The following AOAH variants were observed in gnomAD, a reference collection of about 807,000 sequenced individuals.
The protein encoded by AOAH is acyloxyacyl hydrolase.
A neutral mutation model predicts 92.2 loss-of-function variants in AOAH; 64 were observed. That is an observed-to-expected ratio of 0.69 (90% CI 0.57 to 0.86). The LOEUF (loss-of-function observed/expected upper bound fraction) is 0.86. Among genes scored for constraint, AOAH ranks in the 40% least tolerant of loss-of-function variants. The pLI is 0.00. For synonymous variants in AOAH, 263 were observed against 254.5 expected, an observed-to-expected ratio of 1.03 and a Z score of -0.32; for missense variants, 656 against 694.6, an observed-to-expected ratio of 0.94 and a Z score of 0.62.
intron 1 of AOAH, among the ~76,000 whole-genome samples, chr7:36,719,112 A>C (rs1183049738): frequency 3.9e-5 from 6 of 152,204 alleles, no homozygotes; most frequent in Non-Finnish European, 8.8e-5. Flanking sequence ...TTCGCCTACC[A>C]AACAAGGATA....
At chr7:36,693,548 C>G (rs573961515) in intron 1 of AOAH, among the ~76,000 whole-genome samples, 2 of 151,894 alleles carry the variant, frequency 1.3e-5, no homozygotes, top group Admixed American at 6.6e-5. Flanking sequence ...TTTGATCACA[C>G]TATTGATCAA....
chr7:36,635,280 T>C (rs968492984), intron 5 of AOAH, among the ~76,000 whole-genome samples: 4 of 152,136 alleles, frequency 2.6e-5, no homozygotes, highest in African/African-American at 9.7e-5. Flanking sequence ...ATGCAGCATC[T>C]TTGCTTTGCA....
Position 36,724,083 on chromosome 7 carries a change from C to G in AOAH, c.66G>C (p.Ser22=). 6.2e-7 allele frequency: 1 copy of G among 1,613,494 alleles called. No individual in the cohort carries two copies. Among genetic ancestry groups the G allele is most frequent in the Non-Finnish European group, 8.5e-7 (1 of 1,179,714 alleles). The part of the protein sequence containing the change: ...PLFLLLSLQS[S]ASPANDDQSR... ...ACTGGTCATCGTTGGCTGGAGAGGC[C>G]GAGGACTGAAGAGACAGGAGCAAGA... Residue 22 remains serine, a synonymous_variant, in exon 1 of 21, where the codon TCG becomes TCC. Coordinates refer to ENST00000617537, the MANE Select transcript of AOAH (RefSeq NM_001637.4).
At chr7:36,623,331 C>T in intron 6 of AOAH, 81 bp from the exon 7 acceptor site, 1 of 1,239,214 alleles carries the variant, frequency 8.1e-7, no homozygotes, top group Non-Finnish European at 1.2e-6. Context: ...GAGACATTTT[C>T]TGATACAGCT....
At chr7:36,689,414 C>T (rs1797249959) in intron 1 of AOAH, among the ~76,000 whole-genome samples, 1 of 152,074 alleles carries the variant, frequency 6.6e-6, no homozygotes, top group African/African-American at 2.4e-5. Context: ...AATCAAGGCG[C>T]CAGCTGATTT....
At chr7:36,712,975 A>G (rs1488976065) in intron 1 of AOAH, among the ~76,000 whole-genome samples, 1 of 152,186 alleles carries the variant, frequency 6.6e-6, no homozygotes, top group Non-Finnish European at 1.5e-5. Flanking sequence ...AAATTCACAC[A>G]TAACAATATT....
At chr7:36,722,298 T>C (rs962897106) in intron 1 of AOAH, among the ~76,000 whole-genome samples, 5 of 152,162 alleles carry the variant, frequency 3.3e-5, no homozygotes, top group Non-Finnish European at 7.3e-5. Context: ...TTACCCTCTA[T>C]GACCTCACTG....
chr7:36,575,124 T>A (rs1325493619), intron 13 of AOAH, among the ~76,000 whole-genome samples: 1 of 152,184 alleles, frequency 6.6e-6, no homozygotes. Context: ...GCCACACACC[T>A]GATGTTCACT....
chr7:36,528,567 G>A (rs905119231), intron 19 of AOAH, among the ~76,000 whole-genome samples: 4 of 152,064 alleles, frequency 2.6e-5, no homozygotes, highest in African/African-American at 9.7e-5. Context: ...TCTTAATCTT[G>A]AGGCATTATA....
At chr7:36,624,925 T>G (rs1792536835) in intron 6 of AOAH, among the ~76,000 whole-genome samples, 1 of 152,210 alleles carries the variant, frequency 6.6e-6, no homozygotes, top group African/African-American at 2.4e-5. Flanking sequence ...CTTGCCTTCC[T>G]CTTTTTACTG....
At chr7:36,717,241 G>A (rs1016879886) in intron 1 of AOAH, among the ~76,000 whole-genome samples, 2 of 152,080 alleles carry the variant, frequency 1.3e-5, no homozygotes, top group African/African-American at 4.8e-5. Context: ...GGGTCTGTAG[G>A]CTCAATAGCT....
At chr7:36,710,327 A>G (rs1414120536) in intron 1 of AOAH, among the ~76,000 whole-genome samples, 1 of 152,206 alleles carries the variant, frequency 6.6e-6, no homozygotes, top group African/African-American at 2.4e-5. Flanking sequence ...TTTGAAAGAA[A>G]GAAATAGCTA....
At chr7:36,694,465 G>A (rs1041882179) in intron 1 of AOAH, among the ~76,000 whole-genome samples, 2 of 152,096 alleles carry the variant, frequency 1.3e-5, no homozygotes, top group African/African-American at 4.8e-5. Flanking sequence ...ACTCCAGTCT[G>A]GGTGACAAGA....
intron 15 of AOAH, 38 bp from the exon 16 acceptor site, chr7:36,540,529 G>C: frequency 6.3e-7 from 1 of 1,579,860 alleles, no homozygotes; most frequent in Non-Finnish European, 8.6e-7. Context: ...TTGGTTGATT[G>C]TAAGGATAGA....
At chr7:36,692,282 C>T (rs554400444) in intron 1 of AOAH, among the ~76,000 whole-genome samples, 28 of 152,264 alleles carry the variant, frequency 1.8e-4, no homozygotes, top group Non-Finnish European at 3.5e-4. Context: ...ATCTTCTCCA[C>T]GAACTCTTTG....
At chr7:36,701,520 A>G (rs996242659) in intron 1 of AOAH, among the ~76,000 whole-genome samples, 4 of 151,076 alleles carry the variant, frequency 2.6e-5, no homozygotes, top group Non-Finnish European at 4.4e-5. Context: ...CTTACCTGAT[A>G]TAATAGCCCC....
chr7:36,610,842 C>A (rs1181274321), intron 11 of AOAH, among the ~76,000 whole-genome samples: 1 of 152,090 alleles, frequency 6.6e-6, no homozygotes, highest in Admixed American at 6.5e-5. Flanking sequence ...GACAAGAAGA[C>A]GCTCTGGATA....
At chr7:36,711,094 C>T (rs1185193010) in intron 1 of AOAH, among the ~76,000 whole-genome samples, 1 of 152,080 alleles carries the variant, frequency 6.6e-6, no homozygotes, top group Non-Finnish European at 1.5e-5. Context: ...TCCACAAGCA[C>T]ATTATAGAAA....
chr7:36,531,432 C>T (rs915714458), intron 18 of AOAH, among the ~76,000 whole-genome samples: 70 of 152,156 alleles, frequency 4.6e-4, no homozygotes, highest in African/African-American at 1.4e-3. Context: ...CGGCAACCTC[C>T]GCCTCCTGGG....
Sources: allele counts gnomAD v4.1 joint callset (sites outside exome capture counted in the v4.1 genomes callset), GRCh38; gene constraint gnomAD v4.1.1; transcripts MANE v1.5; gene names NCBI Gene and HGNC (gene_info 2026-07-23, HGNC 2026-07-21).